PTPRG: variants seen among roughly 807,000 people sequenced by gnomAD.
The protein encoded by PTPRG is receptor-type tyrosine-protein phosphatase gamma.
PTPRG carries 102 observed loss-of-function variants against 165.3 expected under a neutral mutation model. That is an observed-to-expected ratio of 0.62 (90% confidence interval 0.53 to 0.73). The LOEUF is 0.73. Among genes scored for constraint, PTPRG ranks in the 30% least tolerant of loss-of-function variants. The pLI is 0.00. For synonymous variants in PTPRG, 675 were observed against 669.5 expected (o/e 1.01, Z -0.13); for missense variants, 1,866 against 1,861.4 (o/e 1.00, Z -0.05).
At chr3:62,020,843 T>TG (rs1392884852) in intron 4 of PTPRG, among the ~76,000 whole-genome samples, 1 of 102,578 alleles carries the variant, frequency 9.7e-6, no homozygotes, top group Non-Finnish European at 2.0e-5. Flanking sequence ...CAGGTTTTTT[T>TG]TGTTTTTTTT....
At chr3:62,066,502 T>G (rs1253352899) in intron 4 of PTPRG, among the ~76,000 whole-genome samples, 1 of 89,816 alleles carries the variant, frequency 1.1e-5, no homozygotes, top group Non-Finnish European at 3.0e-5. Context: ...AAAAGTTTCA[T>G]ATTACAAAGA....
chr3:62,123,464 T>C (rs1192834263), intron 5 of PTPRG, among the ~76,000 whole-genome samples: 5 of 152,186 alleles, frequency 3.3e-5, no homozygotes, highest in Non-Finnish European at 7.3e-5. Context: ...TTATACAGTC[T>C]ACATAAATTT....
intron 1 of PTPRG, among the ~76,000 whole-genome samples, chr3:61,741,557 C>G (rs1049957279): frequency 6.6e-6 from 1 of 152,216 alleles, no homozygotes; most frequent in Non-Finnish European, 1.5e-5. Flanking sequence ...TGTTACTACG[C>G]TGTTTTGCTT....
intron 15 of PTPRG, among the ~76,000 whole-genome samples, chr3:62,244,562 T>C (rs1701247938): frequency 6.6e-6 from 1 of 152,148 alleles, no homozygotes; most frequent in South Asian, 2.1e-4. Context: ...CAAATACGTA[T>C]CTTCAGATAT....
At chr3:61,903,344 A>T (rs2038547720) in intron 2 of PTPRG, among the ~76,000 whole-genome samples, 1 of 152,092 alleles carries the variant, frequency 6.6e-6, no homozygotes, top group African/African-American at 2.4e-5. Flanking sequence ...TGCGATACTG[A>T]TACTGCAGTC....
At chr3:62,092,345 C>T (rs1701966851) in intron 5 of PTPRG, among the ~76,000 whole-genome samples, 2 of 144,496 alleles carry the variant, frequency 1.4e-5, no homozygotes, top group Non-Finnish European at 3.0e-5. Flanking sequence ...GAGGCCGAGG[C>T]AGGAGAATCG....
At chr3:61,931,874 T>C (rs934338438) in intron 2 of PTPRG, among the ~76,000 whole-genome samples, 1 of 152,236 alleles carries the variant, frequency 6.6e-6, no homozygotes, top group Non-Finnish European at 1.5e-5. Flanking sequence ...AAATCGTGTT[T>C]CTGTTCTTAG....
At chr3:61,762,157 T>A (rs2033861441) in intron 2 of PTPRG, among the ~76,000 whole-genome samples, 1 of 152,162 alleles carries the variant, frequency 6.6e-6, no homozygotes, top group South Asian at 2.1e-4. Context: ...TGGTCCACAC[T>A]CTCCTCTTGG....
intron 1 of PTPRG, among the ~76,000 whole-genome samples, chr3:61,658,593 G>A (rs66656195): frequency 0.15 from 23,184 of 151,936 alleles, 1,810 homozygotes; most frequent in Admixed American, 0.18. Context: ...TTCAAGTCTT[G>A]TTTTCTTTCT....
At chr3:62,287,668 A>G (rs781612497) in intron 28 of PTPRG, among the ~76,000 whole-genome samples, 30 of 152,130 alleles carry the variant, frequency 2.0e-4, no homozygotes, top group Admixed American at 6.6e-5. Flanking sequence ...GAGGTTTTCT[A>G]AAAACAGAAT....
intron 4 of PTPRG, among the ~76,000 whole-genome samples, chr3:62,029,397 C>T (rs1176347491): frequency 1.3e-5 from 2 of 152,172 alleles, no homozygotes; most frequent in East Asian, 1.9e-4. Context: ...AAGATGGGCT[C>T]ATTATCAAAA....
At chr3:61,962,542 A>AT (rs34551590) in intron 2 of PTPRG, among the ~76,000 whole-genome samples, 4,346 of 152,212 alleles carry the variant, frequency 0.029, 158 homozygotes, top group African/African-American at 0.081. Flanking sequence ...ATTAAGGCTC[A>AT]TTTTTTTATA....
chr3:62,013,452 G>A (rs753010368), intron 4 of PTPRG, among the ~76,000 whole-genome samples: 8 of 152,146 alleles, frequency 5.3e-5, no homozygotes, highest in Non-Finnish European at 1.2e-4. Flanking sequence ...AGGATAGAAA[G>A]TAGCAGGTAT....
intron 5 of PTPRG, among the ~76,000 whole-genome samples, chr3:62,127,171 G>A (rs2106911346): frequency 6.6e-6 from 1 of 152,294 alleles, no homozygotes; most frequent in Non-Finnish European, 1.5e-5. Context: ...AGGAAGCCAG[G>A]CAGTGATCTC....
At chr3:61,959,998 C>A (rs1339254413) in intron 2 of PTPRG, among the ~76,000 whole-genome samples, 1 of 152,106 alleles carries the variant, frequency 6.6e-6, no homozygotes, top group Non-Finnish European at 1.5e-5. Flanking sequence ...CCTGGAATGC[C>A]CTTCCCCTCA....
intron 2 of PTPRG, among the ~76,000 whole-genome samples, chr3:61,983,468 G>A (rs2040686859): frequency 6.6e-6 from 1 of 152,048 alleles, no homozygotes; most frequent in Non-Finnish European, 1.5e-5. Context: ...TATTTGACTA[G>A]AAACAGCACA....
chr3:61,813,565 G>A (rs1452668134), intron 2 of PTPRG, among the ~76,000 whole-genome samples: 1 of 148,878 alleles, frequency 6.7e-6, no homozygotes, highest in Non-Finnish European at 1.5e-5. Context: ...GTGTGTGTGT[G>A]TGTGTGTGTG....
At chr3:61,904,932 AG>A (rs2038603436) in intron 2 of PTPRG, among the ~76,000 whole-genome samples, 1 of 151,960 alleles carries the variant, frequency 6.6e-6, no homozygotes, top group African/African-American at 2.4e-5. Context: ...GATGCTCAAA[AG>A]TAATGTTGTA....
At chr3:61,916,364 T>A (rs1422640061) in intron 2 of PTPRG, among the ~76,000 whole-genome samples, 1 of 152,218 alleles carries the variant, frequency 6.6e-6, no homozygotes, top group African/African-American at 2.4e-5. Context: ...ATCATAGTTA[T>A]AAATTGATTT....
Sources: gnomAD v4.1 joint callset for allele counts (sites outside exome capture counted in the v4.1 genomes callset) on GRCh38, gnomAD v4.1.1 for gene constraint, MANE v1.5 for transcripts, NCBI Gene and HGNC (gene_info 2026-07-23, HGNC 2026-07-21) for gene names.